ZNRF3: variants seen among roughly 807,000 people sequenced by gnomAD.
The protein encoded by ZNRF3 is zinc and ring finger 3, also known as E3 ubiquitin-protein ligase ZNRF3.
ZNRF3 carries 23 observed loss-of-function variants against 72.5 expected under a neutral mutation model. That is an observed-to-expected ratio of 0.32 (90% CI 0.23 to 0.45). The LOEUF (loss-of-function observed/expected upper bound fraction) is 0.45, where lower values mean the gene tolerates loss of function less well. ZNRF3 is among the 20% of genes least tolerant of loss of function. The pLI is 1.00. For missense variants in ZNRF3, 1,169 were observed against 1,272.1 expected, an observed-to-expected ratio of 0.92 and a Z score of 1.23; for synonymous variants, 610 against 545.3, an observed-to-expected ratio of 1.12 and a Z score of -1.65.
chr22:29,038,879 A>C (rs950672748), intron 2 of ZNRF3, among the ~76,000 whole-genome samples: 4 of 152,094 alleles, frequency 2.6e-5, no homozygotes, highest in African/African-American at 9.7e-5. Flanking sequence ...TTTCTCAAAC[A>C]AGGTATGTCC....
intron 1 of ZNRF3, among the ~76,000 whole-genome samples, chr22:28,952,782 G>A (rs1172523145): frequency 6.6e-6 from 1 of 152,046 alleles, no homozygotes; most frequent in African/African-American, 2.4e-5. Flanking sequence ...AGTTTATGAA[G>A]GTATATTAGG....
intron 1 of ZNRF3, among the ~76,000 whole-genome samples, chr22:28,937,207 ATATATATATTTTTTTTTTT>A (rs1227805087): frequency 0.013 from 36 of 2,856 alleles, no homozygotes; most frequent in South Asian, 0.095. Context: ...ATATATATAT[ATATATATATTTTTTTTTTT>A]TTTTTTTTTT....
At chr22:29,036,305 GTATCT>G (rs1356151825) in intron 2 of ZNRF3, among the ~76,000 whole-genome samples, 2 of 152,134 alleles carry the variant, frequency 1.3e-5, no homozygotes, top group African/African-American at 2.4e-5. Context: ...TCAGAGAGAG[GTATCT>G]TATCTGTCCT....
At chr22:29,003,559 G>C (rs1381092371) in intron 2 of ZNRF3, among the ~76,000 whole-genome samples, 1 of 150,808 alleles carries the variant, frequency 6.6e-6, no homozygotes. Context: ...CATCTCTTAA[G>C]AAGTGACTGA....
chr22:28,960,805 T>C (rs892680511), intron 1 of ZNRF3, among the ~76,000 whole-genome samples: 2 of 152,106 alleles, frequency 1.3e-5, no homozygotes, highest in African/African-American at 4.8e-5. Flanking sequence ...CTTGGAGGGA[T>C]CCCCAGCAAT....
intron 1 of ZNRF3, among the ~76,000 whole-genome samples, chr22:28,908,984 C>A (rs2034265122): frequency 6.6e-6 from 1 of 152,164 alleles, no homozygotes; most frequent in African/African-American, 2.4e-5. Context: ...GCAACCTCTG[C>A]CTCCTGAGTT....
chr22:28,898,490 A>G (rs2034041878), intron 1 of ZNRF3, among the ~76,000 whole-genome samples: 1 of 152,242 alleles, frequency 6.6e-6, no homozygotes, highest in African/African-American at 2.4e-5. Flanking sequence ...ATGCTGGAGA[A>G]GAGAATATCA....
chr22:28,948,418 G>GGCC (rs2035093859), intron 1 of ZNRF3, among the ~76,000 whole-genome samples: 1 of 152,142 alleles, frequency 6.6e-6, no homozygotes, highest in South Asian at 2.1e-4. Context: ...CTCCCACCTT[G>GGCC]GCCTCCCAAA....
chr22:29,053,759 C>A lies in ZNRF3; in HGVS notation c.*137C>A. ...TGGTAATAAAGAGAGCCCTCCTTGT[C>A]AACCCAAAATGTGAGCCCCCTGTGG... On this transcript the variant is annotated 3_prime_UTR_variant, in exon 9 of 9. Transcript: ENST00000544604. 2.4e-6 allele frequency: 2 copies of A among 840,986 alleles called. No individual in the cohort carries two copies. The highest frequency in any genetic ancestry group is 2.7e-5 in the East Asian group (1 of 37,350). 52.1% of individuals were successfully genotyped at this position (840,986 alleles called of 1,614,324 possible).
At chr22:28,999,253 G>C (rs1446459502) in intron 2 of ZNRF3, among the ~76,000 whole-genome samples, 1 of 151,680 alleles carries the variant, frequency 6.6e-6, no homozygotes, top group Non-Finnish European at 1.5e-5. Context: ...AGAATTGCTT[G>C]AACCTGGGAG....
At chr22:28,977,201 C>T (rs1201799707) in intron 1 of ZNRF3, among the ~76,000 whole-genome samples, 1 of 152,174 alleles carries the variant, frequency 6.6e-6, no homozygotes, top group African/African-American at 2.4e-5. Context: ...CGAGAGAACT[C>T]CACAGTCTTC....
At chr22:29,012,978 G>C (rs918359361) in intron 2 of ZNRF3, among the ~76,000 whole-genome samples, 1 of 152,202 alleles carries the variant, frequency 6.6e-6, no homozygotes, top group Non-Finnish European at 1.5e-5. Flanking sequence ...CATCAGTTCT[G>C]TCCTTTGAGT....
intron 3 of ZNRF3, among the ~76,000 whole-genome samples, chr22:29,043,007 T>G (rs555096490): frequency 3.0e-4 from 45 of 152,100 alleles, no homozygotes; most frequent in Admixed American, 1.3e-4. Context: ...ACTCTTGACC[T>G]TGTGATCCAT....
chr22:28,921,716 C>T (rs967047721), intron 1 of ZNRF3, among the ~76,000 whole-genome samples: 2 of 152,190 alleles, frequency 1.3e-5, no homozygotes, highest in African/African-American at 4.8e-5. Context: ...TCGTATTCCC[C>T]TCTGAACTGT....
rs2037317394 is a variant in ZNRF3 at position 29,057,337 on chromosome 22, A to C, written c.*3715A>C. The C allele has an allele frequency of 6.6e-6, 1 of 152,254 alleles. No individual in the cohort carries two copies. Among genetic ancestry groups the C allele is most frequent in the Admixed American group, 6.5e-5 (1 of 15,286 alleles). The allele number at this position is 152,254 out of a possible 1,614,324, so 9.4% of individuals were successfully genotyped here. On this transcript the variant is annotated 3_prime_UTR_variant, in exon 9 of 9. Coordinates refer to ENST00000544604, the MANE Select transcript of ZNRF3 (RefSeq NM_001206998.2). ...GGAATAATCATTGAAAATGACTAACACAAGACCCTGTAAATACATGATAAT... is the reference window on the plus strand; with the variant it reads ...GGAATAATCATTGAAAATGACTAACCCAAGACCCTGTAAATACATGATAAT...
At chr22:28,918,537 C>CGTGTGTGTGT (rs56876101) in intron 1 of ZNRF3, among the ~76,000 whole-genome samples, 7 of 148,744 alleles carry the variant, frequency 4.7e-5, no homozygotes, top group African/African-American at 1.5e-4. Context: ...TGCATGTGTG[C>CGTGTGTGTGT]GTGTGTGTGT....
chr22:28,984,672 C>T (rs1013608920), intron 1 of ZNRF3, among the ~76,000 whole-genome samples: 1 of 152,224 alleles, frequency 6.6e-6, no homozygotes, highest in Admixed American at 6.5e-5. Context: ...TGAGCCGGGT[C>T]TTGAGCCCTT....
chr22:28,884,333 G>A (rs1020984104), intron 1 of ZNRF3, among the ~76,000 whole-genome samples: 5 of 152,184 alleles, frequency 3.3e-5, no homozygotes, highest in Non-Finnish European at 5.9e-5. Flanking sequence ...CCCATGCTGG[G>A]GCAGCCCCCT....
chr22:28,901,549 CT>C (rs1048068982), intron 1 of ZNRF3, among the ~76,000 whole-genome samples: 44 of 151,504 alleles, frequency 2.9e-4, no homozygotes, highest in Admixed American at 7.9e-4. Flanking sequence ...TGCTTTTCTG[CT>C]TTTTGCTGGC....
Sources: gnomAD v4.1 joint callset for allele counts (sites outside exome capture counted in the v4.1 genomes callset) on GRCh38, gnomAD v4.1.1 for gene constraint, MANE v1.5 for transcripts, NCBI Gene and HGNC (gene_info 2026-07-23, HGNC 2026-07-21) for gene names.